Variants in CHRNG observed in about 807,000 individuals in gnomAD.
The protein encoded by CHRNG is cholinergic receptor nicotinic gamma subunit.
In CHRNG, 72 loss-of-function variants were observed where a neutral mutation model predicts 65.2. That is an observed-to-expected ratio of 1.10 (90% CI 0.91 to 1.34). The LOEUF (loss-of-function observed/expected upper bound fraction) is 1.34. Ranked by LOEUF, CHRNG falls within the 40% of genes most tolerant of loss-of-function variation. The probability of loss-of-function intolerance (pLI) is 0.00; values close to 1 mark genes in which losing one functional copy is unlikely to be tolerated. For synonymous variants in CHRNG, 284 were observed against 290.2 expected, an observed-to-expected ratio of 0.98 and a Z score of 0.22; for missense variants, 637 against 680.1, an observed-to-expected ratio of 0.94 and a Z score of 0.70.
rs1692065656 is a variant in CHRNG at position 232,543,664 on chromosome 2, C to CCA, written c.1010_1011dup (p.Ser338ThrfsTer12). The CCA allele has an allele frequency of 2.5e-6, 4 of 1,613,072 alleles. No individual in the cohort carries two copies. The highest frequency in any genetic ancestry group is 1.7e-5 in the Admixed American group (1 of 59,990). ...TGTGCTCAATGTCTCCTTGCGGTCT[C>CCA]CACACACACACTCCATGGCCCGAGG... On this transcript the variant is annotated frameshift_variant, in exon 9 of 12. Transcript: ENST00000651502. LOFTEE classifies it high-confidence loss of function.
rs1301474619 is a variant in CHRNG, at chr2:232,546,682, G to T, written c.*966G>T. On this transcript the variant is annotated 3_prime_UTR_variant, in exon 12 of 12. Transcript: ENST00000651502. ...CTCACAGCAGTATGGATAAGCAAGA[G>T]TCATTATTCCCCATGTTATATAGGC... is the stretch of plus-strand genomic sequence containing the variant. Among the ~76,000 whole-genome samples the T allele has an allele frequency of 6.6e-6, 1 of 151,994 alleles. No homozygotes were observed. The highest frequency in any genetic ancestry group is 6.6e-5 in the Admixed American group (1 of 15,254).
rs753146180 is a variant in CHRNG at position 232,540,735 on chromosome 2, G to A, written c.350+24G>A. 1.3e-5 allele frequency: 20 copies of A among 1,592,808 alleles called. No individual in the cohort carries two copies. Among genetic ancestry groups the A allele is most frequent in the Non-Finnish European group, 1.7e-5 (20 of 1,167,540 alleles). On this transcript the variant is annotated intron_variant, in intron 4 of 11. Transcript: ENST00000651502. The surrounding 1 kb of genome is among the most constrained non-coding windows in gnomAD (Gnocchi z 4.2). ...AAGTGAGGAGGGGGTGCAGGCAGGGGTGTGGGGGACAAAGGACACAGGGTC... is the reference window on the plus strand; with the variant it reads ...AAGTGAGGAGGGGGTGCAGGCAGGGATGTGGGGGACAAAGGACACAGGGTC...
Position 232,540,397 on chromosome 2 carries a change from C to A in CHRNG, c.212C>A (p.Ala71Asp), listed in dbSNP as rs781781015. 3.7e-6 allele frequency: 6 copies of A among 1,613,998 alleles called. No individual in the cohort carries two copies. In the East Asian group the frequency reaches 1.3e-4, roughly 36 times the overall value. The change falls in exon 3 of 12, where the codon GCC becomes GAC. Residue 71 changes from alanine to aspartate, a missense_variant. By Grantham distance (126) the Ala-to-Asp change is moderately radical. Transcript: ENST00000651502. The surrounding 1 kb of genome is among the most constrained non-coding windows in gnomAD (Gnocchi z 4.2). ...CACCCCCAGAACGAGCGAGAGGAAG[C>A]CCTCACCACCAATGTCTGGATAGAG... ...NLISLNEREE[A>D]LTTNVWIEMQ...
rs925039882 is a variant in CHRNG at position 232,540,120 on chromosome 2, C to T, written c.184C>T (p.Leu62Phe). 1.9e-6 allele frequency: 3 copies of T among 1,614,078 alleles called. No homozygotes were observed. Among genetic ancestry groups the T allele is most frequent in the African/African-American group, 2.7e-5 (2 of 74,930 alleles). The change falls in exon 2 of 12, where the codon CTC becomes TTC. Residue 62 changes from leucine to phenylalanine, a missense_variant. Physicochemically the swap from Leu to Phe is conservative, Grantham distance 22 (BLOSUM62 0). Coordinates refer to ENST00000651502, the MANE Select transcript of CHRNG (RefSeq NM_005199.5). This position sits in a 1 kb window ranked among gnomAD's most constrained non-coding sequence, Gnocchi z 4.2. ...NVSLKLTLTNLISLNEREEAL... is the reference protein window; with the variant it reads ...NVSLKLTLTNFISLNEREEAL... ...CAGCCTGAAGCTAACCCTCACCAAC[C>T]TCATCTCCCTGGTAAGCCGCAGGAC...
intron 11 of CHRNG, 92 bp from the exon 12 acceptor site, chr2:232,545,451 C>T: frequency 1.7e-6 from 2 of 1,164,600 alleles, no homozygotes; most frequent in African/African-American, 1.5e-5. Flanking sequence ...GAAATGGAGA[C>T]ATGGGCCTGC....
At chr2:232,545,282 G>C (rs1692103401) in intron 11 of CHRNG, among the ~76,000 whole-genome samples, 1 of 151,394 alleles carries the variant, frequency 6.6e-6, no homozygotes, top group African/African-American at 2.4e-5. Context: ...ACTGCACTCT[G>C]GCCTGGGTGA....
chr2:232,544,997 T>C (rs1559305431), intron 11 of CHRNG, 95 bp downstream of exon 11: 31 of 1,530,634 alleles, frequency 2.0e-5, no homozygotes, highest in Middle Eastern at 2.0e-4. Context: ...GATAGGGCAG[T>C]GGGATGGAAA....
intron 10 of CHRNG, 81 bp from the exon 11 acceptor site, chr2:232,544,691 T>A: frequency 2.5e-6 from 4 of 1,581,698 alleles, no homozygotes; most frequent in Non-Finnish European, 3.5e-6. Flanking sequence ...AGAGAGGAGC[T>A]GGGGTCCCTA....
chr2:232,541,546 G>C lies in CHRNG; in HGVS notation c.506+17G>C. On this transcript the variant is annotated intron_variant, in intron 5 of 11. Transcript: ENST00000651502. The surrounding 1 kb of genome is among the most constrained non-coding windows in gnomAD (Gnocchi z 4.0). ...TATCTTCCAGTGAGGCCATTTATTG[G>C]GGAGGATTAAGAGAGCTGCTCTCAG... 2.5e-6 allele frequency: 4 copies of C among 1,612,532 alleles called. No homozygotes were observed. Among genetic ancestry groups the C allele is most frequent in the Non-Finnish European group, 3.4e-6 (4 of 1,179,912 alleles).
In CHRNG at chr2:232,541,450, C is replaced by T. The variant is rs1692015613; in HGVS notation, c.427C>T (p.Pro143Ser). Reference protein sequence around the residue: ...SPDGCIYWLPPAIFRSACSIS... With the variant: ...SPDGCIYWLPSAIFRSACSIS... ...TGACGGCTGTATCTACTGGCTGCCG[C>T]CTGCCATCTTCCGTTCCGCCTGCTC... is the stretch of plus-strand genomic sequence containing the variant. Residue 143 changes from proline to serine, a missense_variant, in exon 5 of 12, where the codon CCT becomes TCT. Physicochemically the swap from Pro to Ser is moderately conservative, Grantham distance 74. Transcript: ENST00000651502. The surrounding 1 kb of genome is among the most constrained non-coding windows in gnomAD (Gnocchi z 4.0). 6.2e-7 allele frequency: 1 copy of T among 1,614,118 alleles called. No homozygotes were observed. Among genetic ancestry groups the T allele is most frequent in the African/African-American group, 1.3e-5 (1 of 75,036 alleles).
At position 232,542,433 on chromosome 2, in the gene CHRNG, T is replaced by TA. The variant is rs1559303793; in HGVS notation, c.518dup (p.Tyr173Ter). Residue 173 changes from tyrosine to a stop codon, truncating the protein, a stop_gained and frameshift_variant, in exon 6 of 12, where the codon TAC becomes TAAC. Coordinates refer to ENST00000651502, the MANE Select transcript of CHRNG (RefSeq NM_005199.5). LOFTEE classifies it high-confidence loss of function. Reference protein sequence around the residue: ...NCSLIFQSQTYSTNEIDLQLS... With the variant: ...NCSLIFQSQT ...CTCGGTGACTCCCAGGTCCCAGACT[T>TA]ACAGCACCAATGAGATTGATCTGCA... 3 of 1,613,314 alleles carry TA rather than the reference T, an allele frequency of 1.9e-6. No homozygotes were observed. The highest frequency in any genetic ancestry group is 2.5e-6 in the Non-Finnish European group (3 of 1,179,324).
Position 232,540,188 on chromosome 2 carries a change from T to C in CHRNG, c.195+57T>C. ...ACCACGCCCTGGGACCTGCTGGGGA[T>C]AGCATGGGGTGGCTCCAGCCACCAA... On this transcript the variant is annotated intron_variant, in intron 2 of 11. Transcript: ENST00000651502. This position sits in a 1 kb window ranked among gnomAD's most constrained non-coding sequence, Gnocchi z 4.2. 1.2e-6 allele frequency: 2 copies of C among 1,613,562 alleles called. No individual in the cohort carries two copies. The highest frequency in any genetic ancestry group is 1.7e-6 in the Non-Finnish European group (2 of 1,179,754).
Position 232,546,365 on chromosome 2 carries a change from G to T in CHRNG, c.*649G>T, listed in dbSNP as rs1692136315. The T allele has an allele frequency of 1.6e-5, 2 of 127,502 alleles. No individual in the cohort carries two copies. The highest frequency in any genetic ancestry group is 3.2e-5 in the African/African-American group (1 of 31,194). The allele number at this position is 127,502 out of a possible 1,614,324, so 7.9% of individuals were successfully genotyped here. On this transcript the variant is annotated 3_prime_UTR_variant, in exon 12 of 12. Transcript: ENST00000651502. ...TGTTGTTGTTGTTTTGTTTAGTTTT[G>T]AGATAGAGCCTCACTCTTGTCATGC... is the stretch of plus-strand genomic sequence containing the variant.
Position 232,547,056 on chromosome 2 carries a change from G to A in CHRNG, c.*1340G>A, listed in dbSNP as rs1692145687. ...GCTGGTAACCAGGGGACACCCTTGG[G>A]CAAGTCACCTATGCTCCCTGAGGCT... On this transcript the variant is annotated 3_prime_UTR_variant, in exon 12 of 12. Coordinates refer to ENST00000651502, the MANE Select transcript of CHRNG (RefSeq NM_005199.5). 6.6e-6 allele frequency among the ~76,000 whole-genome samples: 1 copy of A among 152,166 alleles called. No individual in the cohort carries two copies. The highest frequency in any genetic ancestry group is 2.4e-5 in the African/African-American group (1 of 41,430).
intron 5 of CHRNG, 61 bp from the exon 6 acceptor site, chr2:232,542,362 C>A: frequency 2.8e-6 from 3 of 1,088,528 alleles, no homozygotes; most frequent in South Asian, 2.6e-5. Context: ...GAAGGTCATC[C>A]CCATGCAGTC....
chr2:232,544,878 G>C lies in CHRNG; in HGVS notation c.1356G>C (p.Arg452=), dbSNP rs758536494. Residue 452 remains arginine (R), a synonymous_variant, in exon 11 of 12, where the codon CGG becomes CGC. Coordinates refer to ENST00000651502, the MANE Select transcript of CHRNG (RefSeq NM_005199.5). ...VEACNLIACA[R]HQQSHFDNGN... is the part of the protein sequence containing the mutation. ...CCTGCAACCTCATTGCCTGTGCCCG[G>C]CACCAGCAGAGTCACTTTGACAATG... 1 of 1,614,016 alleles carries C rather than the reference G, an allele frequency of 6.2e-7. No individual in the cohort carries two copies.
chr2:232,541,883 G>C lies in CHRNG; in HGVS notation c.506+354G>C. ...CACACTCCAGGCCCACAGGGAGGCAGGGCTGTCCTGTGAGAGAGGGGCCCT... is the reference window on the plus strand; with the variant it reads ...CACACTCCAGGCCCACAGGGAGGCACGGCTGTCCTGTGAGAGAGGGGCCCT... On this transcript the variant is annotated intron_variant, in intron 5 of 11. Coordinates refer to ENST00000651502, the MANE Select transcript of CHRNG (RefSeq NM_005199.5). This position sits in a 1 kb window ranked among gnomAD's most constrained non-coding sequence, Gnocchi z 4.0. 1 of 384,454 alleles carries C rather than the reference G, an allele frequency of 2.6e-6. No homozygotes were observed. Among genetic ancestry groups the C allele is most frequent in the Non-Finnish European group, 4.9e-6 (1 of 204,058 alleles). The allele number at this position is 384,454 out of a possible 1,614,324, so 23.8% of individuals were successfully genotyped here.
chr2:232,544,938 G>C, intron 11 of CHRNG, 36 bp downstream of exon 11: 2 of 1,613,222 alleles, frequency 1.2e-6, no homozygotes, highest in Non-Finnish European at 1.7e-6. Flanking sequence ...GGTGGAGTGA[G>C]TACCTGGGCT....
In CHRNG at chr2:232,547,017, G is replaced by A. The variant is rs944994039; in HGVS notation, c.*1301G>A. ...AAGGTCCTGCTCTGAGATTACAGCCGGCACACGAGTTTGGCTGGTAACCAG... is the reference window on the plus strand; with the variant it reads ...AAGGTCCTGCTCTGAGATTACAGCCAGCACACGAGTTTGGCTGGTAACCAG... On this transcript the variant is annotated 3_prime_UTR_variant, in exon 12 of 12. Coordinates refer to ENST00000651502, the MANE Select transcript of CHRNG (RefSeq NM_005199.5). Among the ~76,000 whole-genome samples, 2 of 152,132 alleles carry A rather than the reference G, an allele frequency of 1.3e-5. No homozygotes were observed. The highest frequency in any genetic ancestry group is 6.5e-5 in the Admixed American group (1 of 15,284).
Sources: gnomAD v4.1 joint callset for allele counts (sites outside exome capture counted in the v4.1 genomes callset) on GRCh38, gnomAD v4.1.1 for gene constraint, Gnocchi (gnomAD v3.1) non-coding constraint, MANE v1.5 for transcripts, NCBI Gene and HGNC (gene_info 2026-07-23, HGNC 2026-07-21) for gene names.